The following OR2L13 variants were observed in gnomAD, a reference collection of about 807,000 sequenced individuals.
The protein encoded by OR2L13 is olfactory receptor family 2 subfamily L member 13.
In OR2L13, 14 loss-of-function variants were observed where a neutral mutation model predicts 15.3. That is an observed-to-expected ratio of 0.91 (90% CI 0.60 to 1.43). The LOEUF is 1.43. OR2L13 is among the 40% of genes most tolerant of loss of function. The pLI, the probability that OR2L13 is intolerant of heterozygous loss-of-function variation, is 0.00. For missense variants in OR2L13, 367 were observed against 387.9 expected (o/e 0.95, Z 0.45); for synonymous variants, 152 against 142.9 (o/e 1.06, Z -0.45).
chr1:248,077,696 C>T, the OR2L13 span, among the ~76,000 whole-genome samples: 5 of 151,914 alleles, frequency 3.3e-5, no homozygotes, highest in South Asian at 2.1e-4. Flanking sequence ...TGTGTAAGTA[C>T]GACTTCATGA....
the OR2L13 span, among the ~76,000 whole-genome samples, chr1:247,993,790 A>AGAGAGG: frequency 7.4e-6 from 1 of 136,008 alleles, no homozygotes; most frequent in South Asian, 2.1e-4. Context: ...AGAGAGAGAG[A>AGAGAGG]GAGAGAGAGA....
the OR2L13 span, among the ~76,000 whole-genome samples, chr1:248,088,951 A>G: frequency 6.6e-6 from 1 of 152,128 alleles, no homozygotes; most frequent in Admixed American, 6.5e-5. Context: ...TCTCACACCA[A>G]CTAGGTGTCT....
chr1:248,038,740 A>T, the OR2L13 span: 2 of 1,614,160 alleles, frequency 1.2e-6, no homozygotes, highest in Non-Finnish European at 1.7e-6. Context: ...TCTTGTGCTC[A>T]CACAGTATAT....
chr1:248,043,663 C>A, the OR2L13 span, among the ~76,000 whole-genome samples: 2 of 152,042 alleles, frequency 1.3e-5, no homozygotes, highest in South Asian at 4.1e-4. Context: ...GTTCATGGAT[C>A]CTGCACAAGG....
At chr1:247,991,810 T>G in the OR2L13 span, among the ~76,000 whole-genome samples, 1 of 149,710 alleles carries the variant, frequency 6.7e-6, no homozygotes, top group Non-Finnish European at 1.5e-5. Flanking sequence ...CCCAAAAGGA[T>G]CAACGTTATT....
At chr1:248,041,571 C>A in the OR2L13 span, 1 of 152,100 alleles carries the variant, frequency 6.6e-6, no homozygotes, top group African/African-American at 2.4e-5. Context: ...AGTGAACAGG[C>A]AACCTACAGA....
the OR2L13 span, chr1:247,965,698 G>T: frequency 6.4e-7 from 1 of 1,555,488 alleles, no homozygotes; most frequent in Non-Finnish European, 8.7e-7. Context: ...CTTGGCCCTT[G>T]GTGGAACTGA....
At chr1:247,970,207 A>C in the OR2L13 span, among the ~76,000 whole-genome samples, 3 of 152,266 alleles carry the variant, frequency 2.0e-5, no homozygotes, top group African/African-American at 7.2e-5. Flanking sequence ...TTTAATAACT[A>C]TTCCATTTTA....
At chr1:247,989,983 GA>G in the OR2L13 span, among the ~76,000 whole-genome samples, 162 of 152,142 alleles carry the variant, frequency 1.1e-3, no homozygotes, top group African/African-American at 3.7e-3. Context: ...TATTTTGAGA[GA>G]AAGAAAAAAA....
At chr1:247,979,111 G>A in the OR2L13 span, among the ~76,000 whole-genome samples, 1 of 151,994 alleles carries the variant, frequency 6.6e-6, no homozygotes, top group African/African-American at 2.4e-5. Flanking sequence ...AATGTGTTTT[G>A]TCTACTAAAG....
the OR2L13 span, among the ~76,000 whole-genome samples, chr1:248,008,700 A>G: frequency 6.6e-6 from 1 of 152,204 alleles, no homozygotes; most frequent in Non-Finnish European, 1.5e-5. Context: ...ATAGGCATTT[A>G]CAGAACTATT....
At chr1:248,032,329 A>ATC in the OR2L13 span, among the ~76,000 whole-genome samples, 1 of 152,130 alleles carries the variant, frequency 6.6e-6, no homozygotes, top group Admixed American at 6.6e-5. Context: ...ACATGAGATA[A>ATC]TACATATTAT....
chr1:247,981,916 C>T, the OR2L13 span, among the ~76,000 whole-genome samples: 1,478 of 151,716 alleles, frequency 9.7e-3, 14 homozygotes, highest in Middle Eastern at 0.024. Flanking sequence ...CCCGGGTTCA[C>T]GCCATTCTCC....
the OR2L13 span, chr1:248,084,486 C>A: frequency 2.0e-5 from 33 of 1,612,402 alleles, no homozygotes; most frequent in Non-Finnish European, 2.7e-5. Context: ...AATTGCCAAA[C>A]AGGGAGGTCA....
the OR2L13 span, among the ~76,000 whole-genome samples, chr1:248,016,299 A>G: frequency 6.6e-6 from 1 of 152,282 alleles, no homozygotes; most frequent in South Asian, 2.1e-4. Flanking sequence ...TACACAGGAG[A>G]TTACATGGGT....
the OR2L13 span, among the ~76,000 whole-genome samples, chr1:247,983,030 TTA>T: frequency 6.6e-6 from 1 of 152,172 alleles, no homozygotes; most frequent in Non-Finnish European, 1.5e-5. Flanking sequence ...TAATGTTTAT[TTA>T]TATGTTTGCA....
the OR2L13 span, among the ~76,000 whole-genome samples, chr1:248,000,929 T>G: frequency 1.3e-5 from 2 of 152,064 alleles, no homozygotes; most frequent in African/African-American, 2.4e-5. Context: ...CTTAATAAAT[T>G]TAATTTTTTT....
chr1:248,010,760 G>GTTGTTTT, the OR2L13 span, among the ~76,000 whole-genome samples: 1 of 31,068 alleles, frequency 3.2e-5, no homozygotes, highest in Non-Finnish European at 7.0e-5. Context: ...CTGCTTTGTT[G>GTTGTTTT]TTGTTTTTTT....
chr1:248,048,224 T>C, the OR2L13 span, among the ~76,000 whole-genome samples: 5 of 152,180 alleles, frequency 3.3e-5, no homozygotes, highest in Non-Finnish European at 5.9e-5. Flanking sequence ...GAAGCACACA[T>C]ACACACATAT....
Sources: allele counts gnomAD v4.1 joint callset (sites outside exome capture counted in the v4.1 genomes callset), GRCh38; gene constraint gnomAD v4.1.1; transcripts MANE v1.5; gene names NCBI Gene and HGNC (gene_info 2026-07-23, HGNC 2026-07-21).